The following TRIP12 variants were observed in gnomAD, a reference collection of about 807,000 sequenced individuals.
TRIP12 encodes the protein thyroid hormone receptor interactor 12.
Under a neutral mutation model 244.2 loss-of-function variants are expected in TRIP12, and 25 were observed. That is an observed-to-expected ratio of 0.10 (90% confidence interval 0.07 to 0.14). The LOEUF (loss-of-function observed/expected upper bound fraction) is 0.14, where lower values mean the gene tolerates loss of function less well. Ranked by LOEUF, TRIP12 falls within the 10% of genes least tolerant of loss-of-function variation. The pLI, the probability that TRIP12 is intolerant of heterozygous loss-of-function variation, is 1.00. For missense variants in TRIP12, 1,677 were observed against 2,486.4 expected, an observed-to-expected ratio of 0.67 and a Z score of 6.92; for synonymous variants, 905 against 873.1, an observed-to-expected ratio of 1.04 and a Z score of -0.64.
chr2:229,765,096 T>C lies in TRIP12; in HGVS notation c.*2458A>G, dbSNP rs1222992790. ...TTTAGCTACCTCTTCCTTCTTGGAA[T>C]AGTTAAAAATACGTTCTCATATATA... is the stretch of plus-strand genomic sequence containing the variant. On this transcript the variant is annotated 3_prime_UTR_variant, in exon 42 of 42. Coordinates refer to ENST00000675903, the MANE Select transcript of TRIP12 (RefSeq NM_001348323.3). The C allele has an allele frequency of 6.6e-6, 1 of 152,174 alleles. No individual in the cohort carries two copies. Among genetic ancestry groups the C allele is most frequent in the Non-Finnish European group, 1.5e-5 (1 of 68,040 alleles). The allele number at this position is 152,174 out of a possible 1,614,324, so 9.4% of individuals were successfully genotyped here. A position where few individuals can be genotyped will look rare whatever the true frequency, so the allele number is the denominator to read the frequency against.
At chr2:229,855,626 A>T in intron 4 of TRIP12, among the ~76,000 whole-genome samples, 1 of 45,222 alleles carries the variant, frequency 2.2e-5, no homozygotes. Flanking sequence ...AAAAAAAAAG[A>T]GAAAAGAAAA....
intron 33 of TRIP12, among the ~76,000 whole-genome samples, 174 bp downstream of exon 33, chr2:229,787,331 G>T (rs2040357962): frequency 6.6e-6 from 1 of 152,072 alleles, no homozygotes; most frequent in South Asian, 2.1e-4. Flanking sequence ...AACTCTTAAT[G>T]AAGAATAAGG....
chr2:229,868,390 A>G (rs1043862932), intron 2 of TRIP12, among the ~76,000 whole-genome samples: 1 of 152,118 alleles, frequency 6.6e-6, no homozygotes, highest in Non-Finnish European at 1.5e-5. Context: ...TTTAGTAGAG[A>G]CAGGGTTTCG....
At position 229,845,457 on chromosome 2, in the gene TRIP12, G is replaced by A. The variant is rs562541321; in HGVS notation, c.1028-4530C>T. 2.6e-5 allele frequency among the ~76,000 whole-genome samples: 4 copies of A among 152,266 alleles called. No homozygotes were observed. The South Asian group carries it at 8.3e-4, about 32-fold the overall frequency. On this transcript the variant is annotated intron_variant, in intron 4 of 41. Transcript: ENST00000675903. ...TGAAGAAGAATATGTGGCAAAGATTGTATGTGGTCAGCAAGGCCTAAAATA... is the reference window on the plus strand; with the variant it reads ...TGAAGAAGAATATGTGGCAAAGATTATATGTGGTCAGCAAGGCCTAAAATA...
At position 229,777,296 on chromosome 2, in the gene TRIP12, C is replaced by G; in HGVS notation, c.5529+19G>C. On this transcript the variant is annotated intron_variant, in intron 37 of 41. Transcript: ENST00000675903. ...TAAAATAAAGACTTGATCTACTGGACTGTTTCTTCTAAGCCTACCTGGGAT... is the reference window on the plus strand; with the variant it reads ...TAAAATAAAGACTTGATCTACTGGAGTGTTTCTTCTAAGCCTACCTGGGAT... 6.2e-7 allele frequency: 1 copy of G among 1,608,450 alleles called. No homozygotes were observed. The highest frequency in any genetic ancestry group is 8.5e-7 in the Non-Finnish European group (1 of 1,176,092).
rs371242473 is a variant in TRIP12 at position 229,803,559 on chromosome 2, A to C, written c.2998+12T>G. On this transcript the variant is annotated intron_variant, in intron 20 of 41. Transcript: ENST00000675903. Reference sequence around the variant, plus strand: ...ATCTAGACTAAATGACTATTAATTTATATGACATTACCTTCTCTTCTGAAG... The same window carrying C: ...ATCTAGACTAAATGACTATTAATTTCTATGACATTACCTTCTCTTCTGAAG... 1 of 1,524,484 alleles carries C rather than the reference A, an allele frequency of 6.6e-7. No homozygotes were observed. The highest frequency in any genetic ancestry group is 9.0e-7 in the Non-Finnish European group (1 of 1,106,868). 94.4% of individuals were successfully genotyped at this position (1,524,484 alleles called of 1,614,324 possible).
At position 229,797,848 on chromosome 2, in the gene TRIP12, G is replaced by A. The variant is rs567372442; in HGVS notation, c.3483-17C>T. 1.4e-5 allele frequency: 23 copies of A among 1,610,854 alleles called. No homozygotes were observed. Among genetic ancestry groups the A allele is most frequent in the East Asian group, 2.2e-5 (1 of 44,840 alleles). ...ATTTTTTCTCTACAAGAAACAAAAA[G>A]GAGATATTAAAGTCCCAGTGTATGT... is the stretch of plus-strand genomic sequence containing the variant. On this transcript the variant is annotated splice_polypyrimidine_tract_variant and intron_variant, in intron 23 of 41. Coordinates refer to ENST00000675903, the MANE Select transcript of TRIP12 (RefSeq NM_001348323.3).
intron 2 of TRIP12, among the ~76,000 whole-genome samples, chr2:229,865,898 A>G (rs1339863032): frequency 6.6e-6 from 1 of 152,202 alleles, no homozygotes; most frequent in Non-Finnish European, 1.5e-5. Context: ...CTTTAGTTAC[A>G]CTGAAACACT....
At chr2:229,798,220 G>C (rs965884727) in intron 23 of TRIP12, among the ~76,000 whole-genome samples, 1 of 152,108 alleles carries the variant, frequency 6.6e-6, no homozygotes, top group African/African-American at 2.4e-5. Context: ...CGCCTATTAA[G>C]GATGTAATAA....
intron 38 of TRIP12, chr2:229,773,795 A>T: frequency 4.4e-6 from 1 of 226,480 alleles, no homozygotes; most frequent in Non-Finnish European, 8.7e-6. Context: ...GCAAAAATGC[A>T]ATTTAGTGAG....
chr2:229,826,165 TTTC>T, intron 8 of TRIP12, among the ~76,000 whole-genome samples: 1 of 152,332 alleles, frequency 6.6e-6, no homozygotes, highest in Non-Finnish European at 1.5e-5. Flanking sequence ...TTATTAATAC[TTTC>T]TTTACTTCTC....
chr2:229,816,523 G>A (rs2048536895), intron 9 of TRIP12, among the ~76,000 whole-genome samples: 1 of 152,162 alleles, frequency 6.6e-6, no homozygotes, highest in Admixed American at 6.5e-5. Context: ...TCACATGACT[G>A]TATTGTGATG....
chr2:229,884,397 C>A (rs1368383942), intron 1 of TRIP12, among the ~76,000 whole-genome samples: 2 of 151,662 alleles, frequency 1.3e-5, no homozygotes, highest in Non-Finnish European at 2.9e-5. Context: ...CCACCATACC[C>A]GGCTAATTTT....
At chr2:229,791,296 CTGA>C in intron 29 of TRIP12, 45 bp from the exon 30 acceptor site, 6 of 1,608,874 alleles carry the variant, frequency 3.7e-6, no homozygotes, top group Non-Finnish European at 5.1e-6. Flanking sequence ...GATTTTGAAA[CTGA>C]TACAAAGCCA....
At chr2:229,780,305 T>G (rs2037668369) in intron 34 of TRIP12, among the ~76,000 whole-genome samples, 1 of 152,146 alleles carries the variant, frequency 6.6e-6, no homozygotes, top group Admixed American at 6.5e-5. Context: ...AGCGCTGCCT[T>G]CAAAATGCAT....
chr2:229,826,678 C>A (rs1465359408), intron 8 of TRIP12, among the ~76,000 whole-genome samples: 1 of 152,106 alleles, frequency 6.6e-6, no homozygotes, highest in East Asian at 1.9e-4. Context: ...CTAGTTTAGC[C>A]CATTGCTCCT....
At chr2:229,843,155 T>C (rs1249258906) in intron 4 of TRIP12, among the ~76,000 whole-genome samples, 1 of 142,230 alleles carries the variant, frequency 7.0e-6, no homozygotes, top group Admixed American at 7.1e-5. Context: ...CAAAACTACA[T>C]TTATCATTTA....
chr2:229,826,324 C>A lies in TRIP12; in HGVS notation c.1450+2869G>T, dbSNP rs116593122. On this transcript the variant is annotated intron_variant, in intron 8 of 41. Transcript: ENST00000675903. ...TGACTTTTCAATAGGCTTTCTTTAC[C>A]AAGAAAAGAAGATAAAGGCTCGAAA... is the stretch of plus-strand genomic sequence containing the variant. Among the ~76,000 whole-genome samples the A allele has an allele frequency of 2.3e-3, 353 of 152,078 alleles. 3 individuals are homozygous for A. Among genetic ancestry groups the A allele is most frequent in the African/African-American group, 7.8e-3 (323 of 41,476 alleles).
At chr2:229,838,476 T>C (rs1266269814) in intron 5 of TRIP12, among the ~76,000 whole-genome samples, 1 of 152,196 alleles carries the variant, frequency 6.6e-6, no homozygotes, top group Non-Finnish European at 1.5e-5. Context: ...GTGGCTAGAT[T>C]AGACGGCCTG....
Sources: allele counts gnomAD v4.1 joint callset (sites outside exome capture counted in the v4.1 genomes callset), GRCh38; gene constraint gnomAD v4.1.1; transcripts MANE v1.5; gene names NCBI Gene and HGNC (gene_info 2026-07-23, HGNC 2026-07-21).